Variants in EXOC4 observed in about 807,000 individuals in gnomAD.
EXOC4 encodes exocyst complex component 4, also known as SEC8-like 1.
In EXOC4, 71 loss-of-function variants were observed where a neutral mutation model predicts 107.2. That is an observed-to-expected ratio of 0.66 (90% CI 0.55 to 0.81). The LOEUF is 0.81. Among genes scored for constraint, EXOC4 ranks in the 30% least tolerant of loss-of-function variants. The pLI, the probability that EXOC4 is intolerant of heterozygous loss-of-function variation, is 0.00. For missense variants in EXOC4, 1,108 were observed against 1,189.6 expected, an observed-to-expected ratio of 0.93 and a Z score of 1.01; for synonymous variants, 456 against 441.2, an observed-to-expected ratio of 1.03 and a Z score of -0.42.
chr7:134,009,586 T>C (rs1794720885), intron 17 of EXOC4, among the ~76,000 whole-genome samples: 1 of 152,158 alleles, frequency 6.6e-6, no homozygotes, highest in African/African-American at 2.4e-5. Flanking sequence ...CCTTCCTTGC[T>C]CAGATTAGGG....
At chr7:133,487,657 C>G (rs1409581906) in intron 9 of EXOC4, among the ~76,000 whole-genome samples, 1 of 152,074 alleles carries the variant, frequency 6.6e-6, no homozygotes, top group African/African-American at 2.4e-5. Flanking sequence ...TGCAGTGAGT[C>G]AAGATCGTAC....
At chr7:133,534,847 G>A (rs188314191) in intron 9 of EXOC4, among the ~76,000 whole-genome samples, 2 of 152,228 alleles carry the variant, frequency 1.3e-5, no homozygotes, top group African/African-American at 2.4e-5. Flanking sequence ...CTTTGGTGAC[G>A]TGGACTGAAA....
intron 17 of EXOC4, among the ~76,000 whole-genome samples, chr7:134,041,960 C>G (rs1795529794): frequency 6.6e-6 from 1 of 152,190 alleles, no homozygotes; most frequent in African/African-American, 2.4e-5. Context: ...GTGTTACATT[C>G]TGCTGGGCAT....
At chr7:133,766,889 G>C (rs2151158050) in intron 10 of EXOC4, among the ~76,000 whole-genome samples, 1 of 152,080 alleles carries the variant, frequency 6.6e-6, no homozygotes, top group South Asian at 2.1e-4. Context: ...TGAACTCCCA[G>C]TGGAGTTGAG....
At chr7:133,433,319 G>C (rs568793907) in intron 7 of EXOC4, among the ~76,000 whole-genome samples, 165 of 152,296 alleles carry the variant, frequency 1.1e-3, no homozygotes, top group African/African-American at 3.7e-3. Context: ...GGACTTGGTC[G>C]TGTGACTTGA....
chr7:133,653,127 A>G (rs1033382119), intron 10 of EXOC4, among the ~76,000 whole-genome samples: 7 of 152,208 alleles, frequency 4.6e-5, no homozygotes, highest in Non-Finnish European at 7.4e-5. Context: ...GTAATAGAAC[A>G]GTTGTATGTA....
intron 10 of EXOC4, among the ~76,000 whole-genome samples, chr7:133,670,254 T>C (rs1562900330): frequency 6.6e-6 from 1 of 152,236 alleles, no homozygotes; most frequent in African/African-American, 2.4e-5. Context: ...CATGCAGCTT[T>C]GTGACAGGGA....
chr7:133,823,908 TATAA>T (rs1300639438), intron 11 of EXOC4, among the ~76,000 whole-genome samples: 14 of 29,046 alleles, frequency 4.8e-4, no homozygotes, highest in African/African-American at 1.8e-3. Context: ...TATATATATA[TATAA>T]ATATATATAT....
At chr7:133,427,539 C>G (rs572362294) in intron 7 of EXOC4, among the ~76,000 whole-genome samples, 1 of 152,246 alleles carries the variant, frequency 6.6e-6, no homozygotes, top group Non-Finnish European at 1.5e-5. Flanking sequence ...GAAAACAGAG[C>G]AGTTTGTATC....
At chr7:133,904,544 G>A (rs1799526221) in intron 12 of EXOC4, among the ~76,000 whole-genome samples, 1 of 152,156 alleles carries the variant, frequency 6.6e-6, no homozygotes, top group Non-Finnish European at 1.5e-5. Context: ...TACTGCTGTG[G>A]CATCTCTGCT....
intron 11 of EXOC4, among the ~76,000 whole-genome samples, chr7:133,876,565 G>A (rs1798854051): frequency 6.7e-6 from 1 of 149,630 alleles, no homozygotes; most frequent in Admixed American, 6.7e-5. Flanking sequence ...TTTTTTCTCT[G>A]TTGGATCTTC....
intron 6 of EXOC4, among the ~76,000 whole-genome samples, chr7:133,363,351 C>T (rs567907463): frequency 1.3e-5 from 2 of 152,110 alleles, no homozygotes; most frequent in South Asian, 2.1e-4. Context: ...AACTCATTAC[C>T]ATGAAAGGTC....
intron 10 of EXOC4, among the ~76,000 whole-genome samples, chr7:133,745,808 A>T (rs765670730): frequency 8.9e-5 from 13 of 146,344 alleles, no homozygotes; most frequent in Non-Finnish European, 1.6e-4. Context: ...TCCTTCTAGC[A>T]TGTATGTTTT....
At chr7:133,487,751 A>G (rs1292332117) in intron 9 of EXOC4, among the ~76,000 whole-genome samples, 1 of 152,140 alleles carries the variant, frequency 6.6e-6, no homozygotes, top group Non-Finnish European at 1.5e-5. Flanking sequence ...TTTGTGTAAA[A>G]AGTTTTTGTT....
At chr7:134,073,205 C>CAAAAAAAAAAAAAAAAAAAA in the EXOC4 span, among the ~76,000 whole-genome samples, 1 of 22,598 alleles carries the variant, frequency 4.4e-5, no homozygotes, top group African/African-American at 1.8e-4. Flanking sequence ...GACTTCCTCT[C>CAAAAAAAAAAAAAAAAAAAA]AAAAAAAAAA....
intron 7 of EXOC4, among the ~76,000 whole-genome samples, chr7:133,420,632 A>T (rs1797583560): frequency 6.6e-6 from 1 of 152,248 alleles, no homozygotes; most frequent in East Asian, 1.9e-4. Flanking sequence ...GGTGAGGATC[A>T]TGGGGCCAAT....
the EXOC4 span, among the ~76,000 whole-genome samples, chr7:134,100,712 G>A: frequency 2.3e-5 from 3 of 130,538 alleles, 1 homozygote; most frequent in East Asian, 2.1e-4. Context: ...TTGAGAGACC[G>A]AAGCAGGTAG....
intron 14 of EXOC4, among the ~76,000 whole-genome samples, chr7:133,946,223 C>G (rs527641618): frequency 6.6e-6 from 1 of 152,284 alleles, no homozygotes; most frequent in African/African-American, 2.4e-5. Flanking sequence ...ATTGTGGCTT[C>G]ATTTCTGTCA....
At chr7:133,929,688 C>G (rs537074288) in intron 13 of EXOC4, among the ~76,000 whole-genome samples, 1 of 152,040 alleles carries the variant, frequency 6.6e-6, no homozygotes, top group Admixed American at 6.6e-5. Context: ...AAACATAGTA[C>G]CCGATGGGTA....
Sources: allele counts gnomAD v4.1 joint callset (sites outside exome capture counted in the v4.1 genomes callset), GRCh38; gene constraint gnomAD v4.1.1; transcripts MANE v1.5; gene names NCBI Gene and HGNC (gene_info 2026-07-23, HGNC 2026-07-21).